Variants in NRXN3 observed in about 807,000 individuals in gnomAD.
The protein encoded by NRXN3 is neurexin 3, also known as neurexin III.
Under a neutral mutation model 137.6 loss-of-function variants are expected in NRXN3, and 32 were observed. The ratio of observed to expected loss-of-function variants is 0.23; its 90% CI spans 0.18 to 0.31. The LOEUF (loss-of-function observed/expected upper bound fraction) is 0.31. NRXN3 is among the 10% of genes least tolerant of loss of function. The pLI is 1.00. For missense variants in NRXN3, 1,574 were observed against 2,062.5 expected (o/e 0.76, Z 4.59); for synonymous variants, 798 against 784.5 (o/e 1.02, Z -0.29).
chr14:78,896,857 G>A (rs184397325), intron 10 of NRXN3, among the ~76,000 whole-genome samples: 1 of 151,986 alleles, frequency 6.6e-6, no homozygotes, highest in East Asian at 1.9e-4. Context: ...ACGGGAAATG[G>A]TAGAACATAG....
intron 6 of NRXN3, among the ~76,000 whole-genome samples, chr14:78,673,992 A>G (rs1199055202): frequency 2.6e-5 from 4 of 152,154 alleles, no homozygotes; most frequent in African/African-American, 7.2e-5. Flanking sequence ...ACCTATGCCT[A>G]TAGTGGGCCC....
chr14:79,198,004 C>T (rs556871241), intron 15 of NRXN3, among the ~76,000 whole-genome samples: 4 of 152,306 alleles, frequency 2.6e-5, no homozygotes, highest in Non-Finnish European at 5.9e-5. Flanking sequence ...ACTCTTTGCT[C>T]ATCTATAAGA....
intron 4 of NRXN3, among the ~76,000 whole-genome samples, chr14:78,380,478 A>G (rs906708241): frequency 2.3e-4 from 35 of 152,194 alleles, no homozygotes; most frequent in African/African-American, 8.4e-4. Context: ...AAGTTTTCTT[A>G]CAGGATACAC....
chr14:78,860,181 G>A (rs1018518914), intron 10 of NRXN3, among the ~76,000 whole-genome samples: 1 of 152,002 alleles, frequency 6.6e-6, no homozygotes, highest in Non-Finnish European at 1.5e-5. Flanking sequence ...AATATTTACT[G>A]CACTGGGTAC....
chr14:78,413,543 A>G (rs968768408), intron 4 of NRXN3, among the ~76,000 whole-genome samples: 1 of 152,026 alleles, frequency 6.6e-6, no homozygotes, highest in Non-Finnish European at 1.5e-5. Flanking sequence ...AGGCCTCCCA[A>G]ATTGCTGGGA....
At chr14:78,493,035 G>A (rs1190494402) in intron 4 of NRXN3, among the ~76,000 whole-genome samples, 1 of 152,092 alleles carries the variant, frequency 6.6e-6, no homozygotes, top group East Asian at 1.9e-4. Flanking sequence ...AGTCTTTAGA[G>A]GAATGTACCC....
chr14:78,868,992 CAG>C (rs904175329), intron 10 of NRXN3, among the ~76,000 whole-genome samples: 4 of 152,170 alleles, frequency 2.6e-5, no homozygotes, highest in African/African-American at 9.6e-5. Flanking sequence ...TGGCATGTGA[CAG>C]ATTAGATTCC....
At chr14:79,566,060 G>A (rs553213916) in intron 16 of NRXN3, among the ~76,000 whole-genome samples, 3 of 152,136 alleles carry the variant, frequency 2.0e-5, no homozygotes, top group East Asian at 1.9e-4. Flanking sequence ...GGAGACAGTC[G>A]GAGGGGAATG....
intron 1 of NRXN3, among the ~76,000 whole-genome samples, chr14:78,223,805 G>T (rs2064140213): frequency 6.6e-6 from 1 of 152,184 alleles, no homozygotes; most frequent in South Asian, 2.1e-4. Flanking sequence ...TGAAAATCAG[G>T]CAGTTCCAAG....
chr14:79,807,269 C>T (rs2099211663), intron 20 of NRXN3, among the ~76,000 whole-genome samples: 1 of 151,988 alleles, frequency 6.6e-6, no homozygotes. Flanking sequence ...AGTGATATCT[C>T]TATATGCAGC....
At chr14:79,506,813 T>C (rs2096883160) in intron 16 of NRXN3, among the ~76,000 whole-genome samples, 1 of 152,186 alleles carries the variant, frequency 6.6e-6, no homozygotes, top group East Asian at 1.9e-4. Flanking sequence ...TTCAATTTGC[T>C]TTAGAGGGGC....
chr14:78,674,342 G>T (rs967503215), intron 6 of NRXN3, among the ~76,000 whole-genome samples: 18 of 152,112 alleles, frequency 1.2e-4, no homozygotes, highest in African/African-American at 4.3e-4. Flanking sequence ...CAAATAATGG[G>T]GGACCTTTCT....
intron 8 of NRXN3, among the ~76,000 whole-genome samples, chr14:78,717,410 A>C (rs1026530058): frequency 1.3e-5 from 2 of 152,224 alleles, no homozygotes; most frequent in African/African-American, 2.4e-5. Context: ...CCAAATGAGA[A>C]GAAGCTTAGC....
chr14:78,972,073 A>T (rs1168199716), intron 14 of NRXN3, among the ~76,000 whole-genome samples: 1 of 152,226 alleles, frequency 6.6e-6, no homozygotes, highest in Non-Finnish European at 1.5e-5. Flanking sequence ...GTCAACATTT[A>T]GTTGTAACTT....
intron 15 of NRXN3, among the ~76,000 whole-genome samples, chr14:79,180,882 T>A (rs1022693161): frequency 3.9e-5 from 6 of 152,094 alleles, no homozygotes; most frequent in African/African-American, 1.4e-4. Context: ...TCTATAGTGC[T>A]ATATGTAGCC....
At chr14:79,516,868 A>G (rs548598589) in intron 16 of NRXN3, among the ~76,000 whole-genome samples, 35 of 152,236 alleles carry the variant, frequency 2.3e-4, no homozygotes, top group Admixed American at 9.8e-4. Context: ...GTCATATTTC[A>G]TTGAATGAAC....
intron 4 of NRXN3, among the ~76,000 whole-genome samples, chr14:78,472,906 G>T (rs1200036385): frequency 2.2e-5 from 3 of 139,406 alleles, no homozygotes; most frequent in African/African-American, 8.1e-5. Flanking sequence ...CCAGCAAAGA[G>T]AGAAAATGTC....
At chr14:79,534,946 C>G (rs1158446268) in intron 16 of NRXN3, among the ~76,000 whole-genome samples, 1 of 152,176 alleles carries the variant, frequency 6.6e-6, no homozygotes, top group African/African-American at 2.4e-5. Flanking sequence ...GCATTGGTCT[C>G]TTTCTAAACA....
intron 4 of NRXN3, among the ~76,000 whole-genome samples, chr14:78,437,829 C>A (rs927777579): frequency 3.3e-5 from 5 of 152,166 alleles, no homozygotes; most frequent in African/African-American, 1.2e-4. Context: ...TTTTCATGAA[C>A]ACCTTAACTA....
Sources: allele counts gnomAD v4.1 joint callset (sites outside exome capture counted in the v4.1 genomes callset), GRCh38; gene constraint gnomAD v4.1.1; transcripts MANE v1.5; gene names NCBI Gene and HGNC (gene_info 2026-07-23, HGNC 2026-07-21).